The following NXPH1 variants were observed in gnomAD, a reference collection of about 807,000 sequenced individuals.
NXPH1 encodes the protein neurexophilin 1.
Under a neutral mutation model 23.7 loss-of-function variants are expected in NXPH1, and 5 were observed. The observed-to-expected ratio is 0.21, with a 90% CI of 0.11 to 0.44. The LOEUF is 0.44. Ranked by LOEUF, NXPH1 falls within the 20% of genes least tolerant of loss-of-function variation. The pLI, the probability that NXPH1 is intolerant of heterozygous loss-of-function variation, is 0.99. For synonymous variants in NXPH1, 144 were observed against 122.2 expected, an observed-to-expected ratio of 1.18 and a Z score of -1.18; for missense variants, 324 against 321.6, an observed-to-expected ratio of 1.01 and a Z score of -0.06.
intron 2 of NXPH1, among the ~76,000 whole-genome samples, chr7:8,627,900 A>T (rs1259980201): frequency 6.6e-6 from 1 of 152,092 alleles, no homozygotes; most frequent in Non-Finnish European, 1.5e-5. Context: ...GCATATTAGA[A>T]AAAAAGAAGC....
At chr7:8,733,413 G>T (rs1780192371) in intron 2 of NXPH1, among the ~76,000 whole-genome samples, 1 of 152,144 alleles carries the variant, frequency 6.6e-6, no homozygotes. Context: ...GGATGGCTGG[G>T]TCAAATTGTA....
intron 2 of NXPH1, among the ~76,000 whole-genome samples, chr7:8,469,386 A>C (rs4725096): frequency 6.6e-6 from 1 of 151,826 alleles, no homozygotes. Context: ...TTTACCGCCA[A>C]ACACTGTGCT....
Position 8,461,779 on chromosome 7 carries a change from G to T in NXPH1, c.54+26012G>T, listed in dbSNP as rs549238188. 7.4e-3 allele frequency among the ~76,000 whole-genome samples: 1,041 copies of T among 140,660 alleles called. 10 individuals carry two copies. The highest frequency in any genetic ancestry group is 0.014 in the South Asian group (59 of 4,304). 92.3% of individuals were successfully genotyped at this position (140,660 alleles called of 152,430 possible). On this transcript the variant is annotated intron_variant, in intron 2 of 2. Coordinates refer to ENST00000405863, the MANE Select transcript of NXPH1 (RefSeq NM_152745.3). ...CGGGAGGCGGAGCTTGCAGTGAGCT[G>T]AGATCGCGCCACTGCAGTCCGCAGT...
chr7:8,686,114 G>A (rs112702635), intron 2 of NXPH1, among the ~76,000 whole-genome samples: 16 of 152,152 alleles, frequency 1.1e-4, no homozygotes, highest in African/African-American at 3.9e-4. Context: ...TATCCCAACC[G>A]AAAAGAGCCA....
chr7:8,578,002 A>G (rs565094332), intron 2 of NXPH1, among the ~76,000 whole-genome samples: 2 of 152,308 alleles, frequency 1.3e-5, no homozygotes, highest in African/African-American at 2.4e-5. Context: ...ACCTCACGAA[A>G]TACTCTGAGC....
intron 2 of NXPH1, among the ~76,000 whole-genome samples, chr7:8,582,661 G>A (rs752675130): frequency 2.0e-5 from 3 of 152,150 alleles, no homozygotes; most frequent in Non-Finnish European, 4.4e-5. Context: ...TGTCTAGGGG[G>A]TTTTTATGGG....
At chr7:8,624,750 G>A (rs1265952111) in intron 2 of NXPH1, among the ~76,000 whole-genome samples, 1 of 152,116 alleles carries the variant, frequency 6.6e-6, no homozygotes, top group Non-Finnish European at 1.5e-5. Context: ...GGAGTTGAGA[G>A]GTTATTTTAA....
chr7:8,624,046 G>C (rs1819936868), intron 2 of NXPH1, among the ~76,000 whole-genome samples: 1 of 151,542 alleles, frequency 6.6e-6, no homozygotes, highest in Admixed American at 6.6e-5. Flanking sequence ...AATTGAGCTA[G>C]AGGGAAGGGG....
intron 2 of NXPH1, among the ~76,000 whole-genome samples, chr7:8,474,477 C>G (rs534710938): frequency 6.6e-6 from 1 of 152,230 alleles, no homozygotes; most frequent in East Asian, 1.9e-4. Flanking sequence ...GATTATACAT[C>G]TTTCTGTCTT....
intron 2 of NXPH1, among the ~76,000 whole-genome samples, chr7:8,738,924 G>T (rs1362947379): frequency 6.6e-6 from 1 of 152,044 alleles, no homozygotes; most frequent in African/African-American, 2.4e-5. Context: ...TGTTTACACT[G>T]TGAGGGGAAA....
At chr7:8,549,154 C>T (rs1273400952) in intron 2 of NXPH1, among the ~76,000 whole-genome samples, 3 of 151,478 alleles carry the variant, frequency 2.0e-5, no homozygotes, top group Non-Finnish European at 4.4e-5. Context: ...AGTCTTGTTG[C>T]CTAATGAACC....
At chr7:8,563,149 C>G (rs1468907443) in intron 2 of NXPH1, among the ~76,000 whole-genome samples, 1 of 151,678 alleles carries the variant, frequency 6.6e-6, no homozygotes, top group East Asian at 2.0e-4. Context: ...AAAATGAAAC[C>G]AATTCTCTAT....
intron 2 of NXPH1, among the ~76,000 whole-genome samples, chr7:8,559,889 T>C (rs1818412904): frequency 6.6e-6 from 1 of 151,666 alleles, no homozygotes; most frequent in African/African-American, 2.4e-5. Flanking sequence ...TCTGATCCAT[T>C]TGTAGTGGTT....
chr7:8,662,550 A>G (rs955970227), intron 2 of NXPH1, among the ~76,000 whole-genome samples: 2 of 152,072 alleles, frequency 1.3e-5, no homozygotes, highest in African/African-American at 4.8e-5. Context: ...TTTTACTTTT[A>G]TGTAGGTATT....
At chr7:8,625,824 G>C (rs141431426) in intron 2 of NXPH1, among the ~76,000 whole-genome samples, 434 of 152,200 alleles carry the variant, frequency 2.9e-3, no homozygotes, top group African/African-American at 1.0e-2. Flanking sequence ...TTTTGGAAAG[G>C]ATTTTGGCAA....
chr7:8,491,957 T>C (rs1817254420), intron 2 of NXPH1, among the ~76,000 whole-genome samples: 2 of 152,012 alleles, frequency 1.3e-5, no homozygotes, highest in African/African-American at 4.8e-5. Flanking sequence ...TAAAATGCAA[T>C]TACTGTATAC....
intron 2 of NXPH1, among the ~76,000 whole-genome samples, chr7:8,567,093 T>C (rs1363200246): frequency 1.3e-5 from 2 of 151,880 alleles, no homozygotes; most frequent in African/African-American, 2.4e-5. Flanking sequence ...ATCTTCATTA[T>C]ACACTTCCTA....
At chr7:8,559,299 T>G (rs2128620533) in intron 2 of NXPH1, among the ~76,000 whole-genome samples, 1 of 151,798 alleles carries the variant, frequency 6.6e-6, no homozygotes, top group South Asian at 2.1e-4. Context: ...TACAAAAAAG[T>G]CTTAATTTGA....
intron 2 of NXPH1, among the ~76,000 whole-genome samples, chr7:8,559,253 C>G (rs1340086764): frequency 6.6e-6 from 1 of 151,684 alleles, no homozygotes; most frequent in African/African-American, 2.4e-5. Flanking sequence ...CCGCCACGCC[C>G]TGGTGGAATC....
Sources: allele counts gnomAD v4.1 joint callset (sites outside exome capture counted in the v4.1 genomes callset), GRCh38; gene constraint gnomAD v4.1.1; transcripts MANE v1.5; gene names NCBI Gene and HGNC (gene_info 2026-07-23, HGNC 2026-07-21).